The following CREM variants were observed in gnomAD, a reference collection of about 807,000 sequenced individuals.
CREM encodes the protein cAMP responsive element modulator, also known as cAMP-responsive element modulator.
A neutral mutation model predicts 37.3 loss-of-function variants in CREM; 13 were observed. The ratio of observed to expected loss-of-function variants is 0.35; its 90% confidence interval spans 0.23 to 0.55. The LOEUF is 0.55. Among genes scored for constraint, CREM ranks in the 20% least tolerant of loss-of-function variants. The pLI is 0.88. For synonymous variants in CREM, 124 were observed against 120.2 expected, an observed-to-expected ratio of 1.03 and a Z score of -0.21; for missense variants, 296 against 362.3, an observed-to-expected ratio of 0.82 and a Z score of 1.49.
chr10:35,201,306 C>G, intron 6 of CREM: 1 of 779,772 alleles, frequency 1.3e-6, no homozygotes, highest in Non-Finnish European at 2.1e-6. Context: ...GGAACGTTGT[C>G]TTTCAGAACT....
At position 35,145,914 on chromosome 10, in the gene CREM, G is replaced by C. The variant is rs535497706; in HGVS notation, c.45-2454G>C. The stretch of plus-strand genomic sequence containing the variant: ...TATAAGAAGTTAAATTCTCAAGAAA[G>C]TTTGATTCACTAGGTTTGGGGTTGA... On this transcript the variant is annotated intron_variant, in intron 2 of 7. Coordinates refer to ENST00000685392, the MANE Select transcript of CREM (RefSeq NM_183011.2). Among the ~76,000 whole-genome samples the C allele has an allele frequency of 9.2e-5, 14 of 152,020 alleles. No individual in the cohort carries two copies. The South Asian group carries it at 2.1e-3, about 23-fold the overall frequency.
intron 3 of CREM, chr10:35,175,541 G>T (rs376702227): frequency 2.6e-6 from 2 of 760,042 alleles, no homozygotes; most frequent in Non-Finnish European, 2.2e-6. Flanking sequence ...TTCACTGTTA[G>T]TAGGCGTGAG....
At position 35,188,228 on chromosome 10, in the gene CREM, G is replaced by C. The variant is rs530931077; in HGVS notation, c.438G>C (p.Gln146His). 6.2e-7 allele frequency: 1 copy of C among 1,613,882 alleles called. No individual in the cohort carries two copies. Among genetic ancestry groups the C allele is most frequent in the Non-Finnish European group, 8.5e-7 (1 of 1,179,956 alleles). Residue 146 changes from glutamine (Q) to histidine (H), a missense_variant, in exon 6 of 8, where the codon CAG (glutamine) becomes CAC (histidine). Transcript: ENST00000685392. ...YIAIAQGGTI[Q>H]ISNPGSDGVQ... ...CTATAGCCCAAGGTGGAACAATCCA[G>C]ATTTCTAACCCAGGATCTGATGGTG...
At chr10:35,151,100 C>T (rs527848181) in intron 3 of CREM, among the ~76,000 whole-genome samples, 1 of 152,092 alleles carries the variant, frequency 6.6e-6, no homozygotes, top group South Asian at 2.1e-4. Context: ...GTTTGTGAAA[C>T]AAAGGGGTGA....
chr10:35,178,155 T>C (rs1044337416), intron 3 of CREM, among the ~76,000 whole-genome samples: 21 of 152,226 alleles, frequency 1.4e-4, no homozygotes, highest in Admixed American at 1.3e-3. Flanking sequence ...ATTGACTGAA[T>C]ATATCAAAAT....
chr10:35,131,880 G>A (rs1331612107), intron 1 of CREM, among the ~76,000 whole-genome samples: 1 of 152,122 alleles, frequency 6.6e-6, no homozygotes, highest in East Asian at 1.9e-4. Flanking sequence ...ACCTTACAGT[G>A]ATTCTAGTCA....
intron 2 of CREM, among the ~76,000 whole-genome samples, chr10:35,140,158 T>C (rs1390886723): frequency 6.6e-6 from 1 of 152,190 alleles, no homozygotes; most frequent in African/African-American, 2.4e-5. Flanking sequence ...AAAAAATAAT[T>C]TTAGTATCAA....
rs544837672 is a variant in CREM, at chr10:35,168,385, T to C, written c.169-10504T>C. ...TTTTTTCATGTGTCTGTTGGCTGCA[T>C]AAATGTCTTCTTTTGAGAAGTGTCT... On this transcript the variant is annotated intron_variant, in intron 3 of 7. Transcript: ENST00000685392. Among the ~76,000 whole-genome samples, 736 of 152,354 alleles carry C rather than the reference T, an allele frequency of 4.8e-3. 7 individuals carry two copies. The highest frequency in any genetic ancestry group is 0.014 in the Middle Eastern group (4 of 294).
intron 5 of CREM, among the ~76,000 whole-genome samples, chr10:35,186,121 G>T (rs549837869): frequency 1.3e-5 from 2 of 152,230 alleles, no homozygotes; most frequent in African/African-American, 2.4e-5. Flanking sequence ...CTGGTGATGT[G>T]TTTTTAAAAT....
At chr10:35,175,445 CA>C (rs200497568) in intron 3 of CREM, 4,575 of 395,424 alleles carry the variant, frequency 0.012, no homozygotes, top group Middle Eastern at 0.017. Context: ...GACTCCGTCT[CA>C]AAAAAAAAAG....
intron 6 of CREM, chr10:35,195,768 CA>C: frequency 4.3e-6 from 2 of 469,478 alleles, no homozygotes; most frequent in Middle Eastern, 5.8e-4. Context: ...TAATTGAGTT[CA>C]AAAGGCTGAT....
At chr10:35,169,328 G>A (rs1006695091) in intron 3 of CREM, among the ~76,000 whole-genome samples, 1 of 152,120 alleles carries the variant, frequency 6.6e-6, no homozygotes, top group African/African-American at 2.4e-5. Context: ...CTTGTAAGTT[G>A]GATTCCTAGG....
intron 3 of CREM, among the ~76,000 whole-genome samples, chr10:35,165,368 T>TC (rs1490765508): frequency 6.6e-6 from 1 of 151,902 alleles, no homozygotes; most frequent in East Asian, 1.9e-4. Context: ...CCCAAACACC[T>TC]CCCACAAGGC....
intron 5 of CREM, among the ~76,000 whole-genome samples, chr10:35,187,172 A>AATATATTTAT (rs2094663901): frequency 2.4e-5 from 1 of 41,684 alleles, no homozygotes; most frequent in African/African-American, 8.7e-5. Context: ...ATTATATATT[A>AATATATTTAT]ATATTAATAT....
In CREM at chr10:35,206,913, C is replaced by G. The variant is rs772992702; in HGVS notation, c.617C>G (p.Pro206Arg). Residue 206 changes from proline (P) to arginine (R), a missense_variant, in exon 7 of 8, where the codon CCA becomes CGA. Coordinates refer to ENST00000685392, the MANE Select transcript of CREM (RefSeq NM_183011.2). ...ACTGCAGCTGCCACTGGTGACATGC[C>G]AACTTACCAGATCCGAGCTCCTACT... ...VVVQAATGDMPTYQIRAPTAA... is the reference protein window; with the variant it reads ...VVVQAATGDMRTYQIRAPTAA... 4 of 1,613,656 alleles carry G rather than the reference C, an allele frequency of 2.5e-6. No individual in the cohort carries two copies. The highest frequency in any genetic ancestry group is 3.4e-6 in the Non-Finnish European group (4 of 1,179,924).
intron 6 of CREM, among the ~76,000 whole-genome samples, chr10:35,198,415 C>A (rs896381426): frequency 1.3e-5 from 2 of 151,296 alleles, no homozygotes; most frequent in African/African-American, 4.9e-5. Flanking sequence ...CTCAGCTACT[C>A]GGGAAGCTGA....
intron 5 of CREM, among the ~76,000 whole-genome samples, chr10:35,187,042 TTA>T (rs2094610634): frequency 2.8e-5 from 2 of 71,872 alleles, no homozygotes; most frequent in Admixed American, 5.1e-4. Context: ...ATAATATATA[TTA>T]TATATAATTA....
At chr10:35,135,215 G>A (rs1305284505) in intron 1 of CREM, among the ~76,000 whole-genome samples, 2 of 152,098 alleles carry the variant, frequency 1.3e-5, no homozygotes, top group African/African-American at 2.4e-5. Flanking sequence ...CCATAACCAG[G>A]CAAAATAATT....
chr10:35,167,717 T>C, intron 3 of CREM: 1 of 1,613,780 alleles, frequency 6.2e-7, no homozygotes, highest in African/African-American at 1.3e-5. Context: ...ATAGTGGGAT[T>C]TTTGGTGGAT....
Sources: gnomAD v4.1 joint callset for allele counts (sites outside exome capture counted in the v4.1 genomes callset) on GRCh38, gnomAD v4.1.1 for gene constraint, MANE v1.5 for transcripts, NCBI Gene and HGNC (gene_info 2026-07-23, HGNC 2026-07-21) for gene names.